The following ILDR1 variants were observed in gnomAD, a reference collection of about 807,000 sequenced individuals.
ILDR1 encodes immunoglobulin like domain containing receptor 1.
ILDR1 carries 56 observed loss-of-function variants against 62.4 expected under a neutral mutation model. The observed-to-expected ratio is 0.90, with a 90% CI of 0.72 to 1.12. ILDR1 has a LOEUF of 1.12. ILDR1 is among the 50% of genes most tolerant of loss of function. ILDR1 has a pLI of 0.00. For synonymous variants in ILDR1, 284 were observed against 277.8 expected (o/e 1.02, Z -0.22); for missense variants, 736 against 710.6 (o/e 1.04, Z -0.41).
the ILDR1 span, among the ~76,000 whole-genome samples, chr3:122,027,401 G>T: frequency 6.6e-6 from 1 of 152,158 alleles, no homozygotes; most frequent in East Asian, 1.9e-4. Flanking sequence ...TGTTGGCCAG[G>T]CTTGTCTTGA....
At chr3:122,058,208 C>G in the ILDR1 span, among the ~76,000 whole-genome samples, 2 of 152,114 alleles carry the variant, frequency 1.3e-5, no homozygotes, top group Non-Finnish European at 2.9e-5. Context: ...TTACTAAGAA[C>G]AGAATGGAGG....
At chr3:121,998,682 C>T (rs539017445) in intron 5 of ILDR1, among the ~76,000 whole-genome samples, 58 of 152,192 alleles carry the variant, frequency 3.8e-4, no homozygotes, top group Admixed American at 9.2e-4. Context: ...GCATCTTGGG[C>T]GGGTTTTTCT....
rs755055111 is a variant in ILDR1 at position 121,995,749 on chromosome 3, T to TA, written c.647-1437dup. 4.3e-4 allele frequency among the ~76,000 whole-genome samples: 65 copies of TA among 152,242 alleles called. 2 individuals carry two copies. Among genetic ancestry groups the TA allele is most frequent in the Non-Finnish European group, 7.6e-4 (52 of 67,998 alleles). ...CTCTTCTGGCCACCACCAACACACA[T>TA]ACTGGAATGCCCAGCCTTATACATG... On this transcript the variant is annotated intron_variant, in intron 5 of 7. Coordinates refer to ENST00000344209, the MANE Select transcript of ILDR1 (RefSeq NM_001199799.2).
At chr3:122,027,250 C>T in the ILDR1 span, among the ~76,000 whole-genome samples, 7 of 152,106 alleles carry the variant, frequency 4.6e-5, no homozygotes, top group Admixed American at 6.5e-5. Flanking sequence ...ACTGCAGTGG[C>T]GCAGTCTCAG....
At chr3:122,010,396 C>T (rs1456761933) in intron 1 of ILDR1, among the ~76,000 whole-genome samples, 1 of 151,770 alleles carries the variant, frequency 6.6e-6, no homozygotes, top group African/African-American at 2.4e-5. Flanking sequence ...CTTCCCCACT[C>T]AGCTGTAAAT....
the ILDR1 span, among the ~76,000 whole-genome samples, chr3:122,056,068 T>C: frequency 6.6e-6 from 1 of 152,210 alleles, no homozygotes; most frequent in African/African-American, 2.4e-5. Context: ...ATGTGCTGGG[T>C]ACTTTACTAG....
intron 5 of ILDR1, among the ~76,000 whole-genome samples, chr3:121,994,659 C>T (rs116173389): frequency 0.013 from 1,929 of 152,258 alleles, 21 homozygotes; most frequent in Middle Eastern, 0.024. Flanking sequence ...ATAAGTGGGC[C>T]ATAGGCCAAT....
intron 1 of ILDR1, among the ~76,000 whole-genome samples, chr3:122,020,635 C>T (rs1409565197): frequency 1.3e-5 from 2 of 152,210 alleles, no homozygotes; most frequent in African/African-American, 4.8e-5. Context: ...CAGAAATCCC[C>T]AGCTGCTGTG....
At chr3:122,018,796 GAC>G (rs1225065017) in intron 1 of ILDR1, among the ~76,000 whole-genome samples, 2 of 152,168 alleles carry the variant, frequency 1.3e-5, no homozygotes, top group African/African-American at 4.8e-5. Context: ...CTCCCAAGGA[GAC>G]AAGGGAGCAG....
rs1405794727 is a variant in ILDR1, at chr3:122,022,033, G to A, written c.45C>T (p.Thr15=). Residue 15 remains threonine (T), a synonymous_variant, in exon 1 of 8, where the codon ACC becomes ACT. Coordinates refer to ENST00000344209, the MANE Select transcript of ILDR1 (RefSeq NM_001199799.2). ...KLPAPWLLLC[T]WLPAGCLSLL... is the part of the protein sequence containing the mutation. ...TCCAAGGCTCACCTGCTGGGAGCCA[G>A]GTGCAGAGCAGCAGCCAAGGTGCGG... The A allele has an allele frequency of 6.2e-7, 1 of 1,611,610 alleles. No individual in the cohort carries two copies. Among genetic ancestry groups the A allele is most frequent in the Admixed American group, 1.7e-5 (1 of 59,824 alleles).
At chr3:122,047,569 C>T in the ILDR1 span, among the ~76,000 whole-genome samples, 1 of 152,324 alleles carries the variant, frequency 6.6e-6, no homozygotes, top group Admixed American at 6.5e-5. Flanking sequence ...CAGCGAGATT[C>T]CGTGGGCGTA....
chr3:121,989,877 AC>A (rs3833583), intron 7 of ILDR1, among the ~76,000 whole-genome samples: 73,031 of 151,906 alleles, frequency 0.48, 18,116 homozygotes, highest in East Asian at 0.8. Context: ...GTCAAATATT[AC>A]TCTTGAGAGA....
At chr3:122,001,155 TTCAGGGCTGAGGCTAATGTCCTCTGTCC>T (rs1295599853) in intron 5 of ILDR1, among the ~76,000 whole-genome samples, 125 bp downstream of exon 5, 1 of 152,214 alleles carries the variant, frequency 6.6e-6, no homozygotes, top group African/African-American at 2.4e-5. Context: ...AGGCATCATT[TTCAGGGCTGAGGCTAATGTCCTCTGTCC>T]CTATGATGGG....
chr3:122,005,857 C>T (rs1189629389), intron 2 of ILDR1, among the ~76,000 whole-genome samples: 3 of 152,012 alleles, frequency 2.0e-5, no homozygotes, highest in Non-Finnish European at 4.4e-5. Context: ...TGAGATCACG[C>T]CATTGCACTC....
chr3:121,994,423 A>C, intron 5 of ILDR1, 110 bp from the exon 6 acceptor site: 1 of 1,276,452 alleles, frequency 7.8e-7, no homozygotes, highest in South Asian at 1.6e-5. Context: ...TCTCTTGTCC[A>C]TTCTCACCTA....
chr3:121,998,871 G>A (rs1231717764), intron 5 of ILDR1, among the ~76,000 whole-genome samples: 2 of 152,164 alleles, frequency 1.3e-5, no homozygotes, highest in African/African-American at 2.4e-5. Flanking sequence ...GGCAGTCTCT[G>A]CTGTAGGAAT....
intron 3 of ILDR1, 129 bp downstream of exon 3, chr3:122,005,115 A>G: frequency 1.4e-6 from 1 of 707,220 alleles, no homozygotes; most frequent in Non-Finnish European, 2.4e-6. Flanking sequence ...TCCTCAAACA[A>G]TGACAGTGAC....
chr3:122,029,747 T>G, the ILDR1 span, among the ~76,000 whole-genome samples: 3 of 152,136 alleles, frequency 2.0e-5, no homozygotes, highest in Non-Finnish European at 4.4e-5. Context: ...CTTTGGCATA[T>G]TTTATCATTA....
At position 121,993,705 on chromosome 3, in the gene ILDR1, G is replaced by A. The variant is rs1454392188; in HGVS notation, c.1044C>T (p.Ser348=). 3.1e-6 allele frequency: 5 copies of A among 1,614,152 alleles called. No homozygotes were observed. Among genetic ancestry groups the A allele is most frequent in the Admixed American group, 3.3e-5 (2 of 60,032 alleles). Residue 348 remains serine (S), a synonymous_variant, in exon 7 of 8, where the codon TCC becomes TCT. Coordinates refer to ENST00000344209, the MANE Select transcript of ILDR1 (RefSeq NM_001199799.2). ...DLSSSRRTSD[S]LHQQWLTPIP... ...TTGGGGTGAGCCACTGCTGGTGCAG[G>A]GAGTCACTGGTCCTCCTTGAGGATG...
Sources: gnomAD v4.1 joint callset for allele counts (sites outside exome capture counted in the v4.1 genomes callset) on GRCh38, gnomAD v4.1.1 for gene constraint, MANE v1.5 for transcripts, NCBI Gene and HGNC (gene_info 2026-07-23, HGNC 2026-07-21) for gene names.